GPR149: variants seen among roughly 807,000 people sequenced by gnomAD.
The protein encoded by GPR149 is G protein-coupled receptor 149.
A neutral mutation model predicts 50.2 loss-of-function variants in GPR149; 50 were observed. That is an observed-to-expected ratio of 1.00 (90% CI 0.79 to 1.26). GPR149 has a LOEUF of 1.26. GPR149 is among the 50% of genes most tolerant of loss of function. The probability of loss-of-function intolerance (pLI) is 0.00; values close to 1 mark genes in which losing one functional copy is unlikely to be tolerated. For synonymous variants in GPR149, 405 were observed against 358.2 expected (o/e 1.13, Z -1.48); for missense variants, 983 against 895.4 (o/e 1.10, Z -1.25).
chr3:154,400,020 T>G (rs1293902263), intron 3 of GPR149, among the ~76,000 whole-genome samples: 1 of 152,198 alleles, frequency 6.6e-6, no homozygotes, highest in Non-Finnish European at 1.5e-5. Flanking sequence ...GGAGTCTCAC[T>G]CTGTTGCCCA....
chr3:154,426,424 C>T (rs1451957126), intron 2 of GPR149, among the ~76,000 whole-genome samples: 2 of 152,004 alleles, frequency 1.3e-5, no homozygotes, highest in East Asian at 3.9e-4. Flanking sequence ...ATTTTGCAAC[C>T]CTAAAATAGC....
intron 3 of GPR149, among the ~76,000 whole-genome samples, chr3:154,395,687 T>C (rs151013452): frequency 0.033 from 5,065 of 152,066 alleles, 252 homozygotes; most frequent in African/African-American, 0.12. Context: ...TTCCAGCTGC[T>C]CAGGAGGCTG....
chr3:154,406,194 T>A (rs111234529), intron 3 of GPR149, among the ~76,000 whole-genome samples: 3,436 of 152,202 alleles, frequency 0.023, 68 homozygotes, highest in Non-Finnish European at 0.033. Flanking sequence ...ATTAGATAAG[T>A]ATAATTTAAA....
rs75111297 is a variant in GPR149 at position 154,391,911 on chromosome 3, T to C, written c.1623+29128A>G. Among the ~76,000 whole-genome samples the C allele has an allele frequency of 1.6e-3, 239 of 151,902 alleles. 1 individual carries two copies. Among genetic ancestry groups the C allele is most frequent in the African/African-American group, 5.2e-3 (217 of 41,508 alleles). Reference sequence around the variant, plus strand: ...ATAGACTTTAAGTCAAAAACTGTCATGAGACAAAGAAGGATATTATACAAA... The same window carrying C: ...ATAGACTTTAAGTCAAAAACTGTCACGAGACAAAGAAGGATATTATACAAA... On this transcript the variant is annotated intron_variant, in intron 3 of 3. Coordinates refer to ENST00000389740, the MANE Select transcript of GPR149 (RefSeq NM_001038705.3).
rs1051519112 is a variant in GPR149, at chr3:154,335,112, C to T, written c.*2587G>A. On this transcript the variant is annotated 3_prime_UTR_variant, in exon 4 of 4. Transcript: ENST00000389740. ...TTACGTGTTTGCAGTTTATAGGAGT[C>T]ACCACCAGATGGTGATATTTTTATT... 1 of 151,938 alleles carries T rather than the reference C, an allele frequency of 6.6e-6. No individual in the cohort carries two copies. Among genetic ancestry groups the T allele is most frequent in the Admixed American group, 6.6e-5 (1 of 15,248 alleles). 9.4% of individuals were successfully genotyped at this position (151,938 alleles called of 1,614,324 possible).
chr3:154,395,538 T>C (rs934706441), intron 3 of GPR149, among the ~76,000 whole-genome samples: 11 of 151,900 alleles, frequency 7.2e-5, no homozygotes, highest in Admixed American at 3.9e-4. Context: ...CCTGTAACCC[T>C]AGCACTTTGG....
intron 3 of GPR149, among the ~76,000 whole-genome samples, chr3:154,360,687 G>A (rs544369722): frequency 8.5e-5 from 13 of 152,158 alleles, no homozygotes; most frequent in South Asian, 2.1e-4. Flanking sequence ...TCCAGGGATC[G>A]GAGATACAAA....
At chr3:154,421,970 T>C (rs1219558707) in intron 2 of GPR149, among the ~76,000 whole-genome samples, 4 of 151,858 alleles carry the variant, frequency 2.6e-5, no homozygotes, top group Admixed American at 1.3e-4. Flanking sequence ...TCTTAAAATA[T>C]TTTGGTATAT....
At chr3:154,390,975 C>T (rs979726043) in intron 3 of GPR149, among the ~76,000 whole-genome samples, 1 of 151,924 alleles carries the variant, frequency 6.6e-6, no homozygotes, top group African/African-American at 2.4e-5. Context: ...AAAATGATCT[C>T]AAAAATAAAG....
At chr3:154,353,282 A>G in intron 3 of GPR149, 2 of 1,430,890 alleles carry the variant, frequency 1.4e-6, no homozygotes, top group South Asian at 2.3e-5. Flanking sequence ...TCATTTATCC[A>G]ATAAGGTCAA....
At chr3:154,374,169 C>CTTTTTTTTTTTTTTTTTTTTTTTTTTTT (rs3069044) in intron 3 of GPR149, among the ~76,000 whole-genome samples, 2 of 103,174 alleles carry the variant, frequency 1.9e-5, no homozygotes, top group African/African-American at 3.9e-5. Flanking sequence ...CTTTTCTTTT[C>CTTTTTTTTTTTTTTTTTTTTTTTTTTTT]TTTTTTTTTT....
At position 154,396,709 on chromosome 3, in the gene GPR149, T is replaced by C. The variant is rs539428749; in HGVS notation, c.1623+24330A>G. On this transcript the variant is annotated intron_variant, in intron 3 of 3. Transcript: ENST00000389740. ...TAAATATCAAGATCAGACTTTATTA[T>C]GTATGTAAGAACTTTGTAGGTGCGA... Among the ~76,000 whole-genome samples the C allele has an allele frequency of 3.3e-5, 5 of 152,156 alleles. No homozygotes were observed. The South Asian group carries it at 1.0e-3, about 32-fold the overall frequency.
chr3:154,422,818 G>C (rs563945137), intron 2 of GPR149, among the ~76,000 whole-genome samples: 1 of 151,772 alleles, frequency 6.6e-6, no homozygotes, highest in Non-Finnish European at 1.5e-5. Context: ...ACATAGTCAA[G>C]TAAAATTAAG....
rs1713683487 is a variant in GPR149, at chr3:154,337,574, T to G, written c.*125A>C. ...GTTCCAGTTGTTCCCACAAAAAAAT[T>G]AACTATTAAATCAGTAAAACTAATG... On this transcript the variant is annotated 3_prime_UTR_variant, in exon 4 of 4. Coordinates refer to ENST00000389740, the MANE Select transcript of GPR149 (RefSeq NM_001038705.3). 3 of 750,224 alleles carry G rather than the reference T, an allele frequency of 4.0e-6. No homozygotes were observed. Among genetic ancestry groups the G allele is most frequent in the Non-Finnish European group, 6.2e-6 (3 of 481,014 alleles). 46.5% of individuals were successfully genotyped at this position (750,224 alleles called of 1,614,324 possible).
rs576632436 is a variant in GPR149, at chr3:154,364,758, G to T, written c.1624-26487C>A. Among the ~76,000 whole-genome samples, 3 of 152,332 alleles carry T rather than the reference G, an allele frequency of 2.0e-5. No individual in the cohort carries two copies. In the East Asian group the frequency reaches 5.8e-4, roughly 29 times the overall value. ...CTGAAGTTGGGCTCCAAAGGCCCTGGGGGATCCCACCCCCATGGCTTTGCT... is the reference window on the plus strand; with the variant it reads ...CTGAAGTTGGGCTCCAAAGGCCCTGTGGGATCCCACCCCCATGGCTTTGCT... On this transcript the variant is annotated intron_variant, in intron 3 of 3. Transcript: ENST00000389740.
intron 3 of GPR149, among the ~76,000 whole-genome samples, chr3:154,393,389 T>TAAAAAAA (rs1715214312): frequency 6.6e-6 from 1 of 152,038 alleles, no homozygotes; most frequent in Admixed American, 6.6e-5. Flanking sequence ...CCTTTCATGT[T>TAAAAAAA]AAAAACTCTC....
At chr3:154,339,799 T>A (rs1056959701) in intron 3 of GPR149, among the ~76,000 whole-genome samples, 4 of 136,468 alleles carry the variant, frequency 2.9e-5, no homozygotes, top group Non-Finnish European at 6.3e-5. Flanking sequence ...TTTTTTTTTT[T>A]TTTTTTTTGA....
intron 3 of GPR149, among the ~76,000 whole-genome samples, chr3:154,400,581 GCTCT>G (rs918021742): frequency 1.8e-4 from 28 of 151,830 alleles, no homozygotes; most frequent in African/African-American, 4.4e-4. Flanking sequence ...TCATTCTGAT[GCTCT>G]CTCTATGTAG....
chr3:154,362,627 G>A lies in GPR149; in HGVS notation c.1624-24356C>T, dbSNP rs538138839. On this transcript the variant is annotated intron_variant, in intron 3 of 3. Transcript: ENST00000389740. ...AGTGGCAGTGCCCTGAGTGAAGAGT[G>A]GAAGCCAGGTTGCAATCAGAATGCA... 2.6e-5 allele frequency among the ~76,000 whole-genome samples: 4 copies of A among 152,292 alleles called. No individual in the cohort carries two copies. In the East Asian group the frequency reaches 7.7e-4, roughly 29 times the overall value.
Sources: gnomAD v4.1 joint callset for allele counts (sites outside exome capture counted in the v4.1 genomes callset) on GRCh38, gnomAD v4.1.1 for gene constraint, MANE v1.5 for transcripts, NCBI Gene and HGNC (gene_info 2026-07-23, HGNC 2026-07-21) for gene names.